Variants in GPR158 observed in about 807,000 individuals in gnomAD.
GPR158 encodes the protein G protein-coupled receptor 158, also known as metabotropic glycine receptor.
GPR158 carries 30 observed loss-of-function variants against 78.2 expected under a neutral mutation model. The observed-to-expected ratio is 0.38, with a 90% CI of 0.29 to 0.52. The LOEUF (loss-of-function observed/expected upper bound fraction) is 0.52. Ranked by LOEUF, GPR158 falls within the 20% of genes least tolerant of loss-of-function variation. The probability of loss-of-function intolerance (pLI) is 0.83; values close to 1 mark genes in which losing one functional copy is unlikely to be tolerated. For missense variants in GPR158, 1,463 were observed against 1,523.5 expected (o/e 0.96, Z 0.66); for synonymous variants, 581 against 591.1 (o/e 0.98, Z 0.25).
At chr10:25,311,272 C>A (rs766024818) in intron 2 of GPR158, among the ~76,000 whole-genome samples, 11 of 151,770 alleles carry the variant, frequency 7.2e-5, no homozygotes, top group Non-Finnish European at 1.5e-4. Context: ...GAAAATGACA[C>A]CTTTATGACA....
At chr10:25,202,417 C>A (rs1852945044) in intron 1 of GPR158, among the ~76,000 whole-genome samples, 1 of 152,116 alleles carries the variant, frequency 6.6e-6, no homozygotes, top group African/African-American at 2.4e-5. Context: ...CGCCACCCCA[C>A]AACAGGCCCT....
intron 1 of GPR158, among the ~76,000 whole-genome samples, chr10:25,201,431 A>G (rs1564389808): frequency 6.6e-6 from 1 of 152,216 alleles, no homozygotes; most frequent in South Asian, 2.1e-4. Context: ...GTATAATATC[A>G]TACCATCTGT....
chr10:25,274,540 A>G (rs10764525), intron 2 of GPR158, among the ~76,000 whole-genome samples: 28,271 of 152,154 alleles, frequency 0.19, 4,041 homozygotes, highest in African/African-American at 0.39. Flanking sequence ...AAATACATAT[A>G]GACTATCATG....
chr10:25,497,715 AAAT>A (rs1835901778), intron 5 of GPR158, among the ~76,000 whole-genome samples: 1 of 152,198 alleles, frequency 6.6e-6, no homozygotes, highest in Non-Finnish European at 1.5e-5. Flanking sequence ...AAGAAGGGAT[AAAT>A]AATCTCTGCC....
rs117570977 is a variant in GPR158, at chr10:25,262,271, C to T, written c.1008+41114C>T. On this transcript the variant is annotated intron_variant, in intron 2 of 10. Coordinates refer to ENST00000376351, the MANE Select transcript of GPR158 (RefSeq NM_020752.3). Reference sequence around the variant, plus strand: ...AGAAAACTCACATTCTTTGGGTATACACTTGGGCAAGTTGGTCTTTAGAAG... The same window carrying T: ...AGAAAACTCACATTCTTTGGGTATATACTTGGGCAAGTTGGTCTTTAGAAG... 6.5e-4 allele frequency among the ~76,000 whole-genome samples: 99 copies of T among 152,226 alleles called. No individual in the cohort carries two copies. In the East Asian group the frequency reaches 0.018, roughly 27 times the overall value.
At chr10:25,291,874 T>A (rs114172870) in intron 2 of GPR158, among the ~76,000 whole-genome samples, 1,800 of 152,220 alleles carry the variant, frequency 0.012, 31 homozygotes, top group African/African-American at 0.041. Flanking sequence ...GAAAGCAATT[T>A]CATTATAAAT....
intron 2 of GPR158, among the ~76,000 whole-genome samples, chr10:25,335,317 GC>G (rs1206072559): frequency 3.9e-5 from 6 of 152,056 alleles, no homozygotes; most frequent in Admixed American, 3.9e-4. Flanking sequence ...CTCACTAATA[GC>G]TTTTTGCATA....
At chr10:25,279,202 A>G (rs1854231468) in intron 2 of GPR158, among the ~76,000 whole-genome samples, 1 of 152,096 alleles carries the variant, frequency 6.6e-6, no homozygotes, top group Non-Finnish European at 1.5e-5. Flanking sequence ...TACTACTACT[A>G]GTTTACATAA....
chr10:25,445,750 AG>A (rs887172570), intron 4 of GPR158, among the ~76,000 whole-genome samples: 28 of 151,898 alleles, frequency 1.8e-4, no homozygotes, highest in African/African-American at 6.8e-4. Flanking sequence ...GAGAGGAGAG[AG>A]GGGGAGAGAG....
intron 2 of GPR158, among the ~76,000 whole-genome samples, chr10:25,332,794 C>G (rs541484004): frequency 2.0e-5 from 3 of 151,968 alleles, no homozygotes; most frequent in Admixed American, 2.0e-4. Context: ...TAAAAAAATT[C>G]GACACTAATC....
intron 2 of GPR158, among the ~76,000 whole-genome samples, chr10:25,263,313 G>A (rs530458460): frequency 9.2e-5 from 14 of 152,138 alleles, no homozygotes; most frequent in African/African-American, 1.9e-4. Flanking sequence ...TATTGCTTTC[G>A]CTTCTTTCTC....
At chr10:25,238,795 A>G (rs1853564268) in intron 2 of GPR158, among the ~76,000 whole-genome samples, 1 of 152,236 alleles carries the variant, frequency 6.6e-6, no homozygotes, top group Admixed American at 6.5e-5. Flanking sequence ...TACCTGCAGA[A>G]CATGATCACA....
chr10:25,374,592 T>C (rs2130555876), intron 2 of GPR158, among the ~76,000 whole-genome samples: 1 of 151,866 alleles, frequency 6.6e-6, no homozygotes, highest in Admixed American at 6.6e-5. Flanking sequence ...CTAACAACCA[T>C]TAATTTCTTC....
intron 5 of GPR158, among the ~76,000 whole-genome samples, chr10:25,498,903 C>T (rs187532659): frequency 1.2e-4 from 19 of 152,228 alleles, no homozygotes; most frequent in African/African-American, 4.3e-4. Flanking sequence ...GAGACTGGAG[C>T]GCAATGACTC....
chr10:25,291,220 A>G (rs570535760), intron 2 of GPR158, among the ~76,000 whole-genome samples: 1 of 152,194 alleles, frequency 6.6e-6, no homozygotes, highest in South Asian at 2.1e-4. Context: ...AGAATTCAGG[A>G]GAAAGAAAGG....
At chr10:25,517,833 C>T (rs902317119) in intron 5 of GPR158, among the ~76,000 whole-genome samples, 1 of 148,988 alleles carries the variant, frequency 6.7e-6, no homozygotes, top group Non-Finnish European at 1.5e-5. Context: ...CTAAAATTCT[C>T]TTTTTTGGTT....
Position 25,599,091 on chromosome 10 carries a change from TA to T in GPR158, c.3467del (p.Asn1156ThrfsTer10). 6.2e-7 allele frequency: 1 copy of T among 1,613,062 alleles called. No individual in the cohort carries two copies. The highest frequency in any genetic ancestry group is 8.5e-7 in the Non-Finnish European group (1 of 1,179,984). ...SSEENVRGSYNSSNNFQQPLT... is the reference protein window; with the variant it reads ...SSEENVRGSYXSSNNFQQPLT... The stretch of plus-strand genomic sequence containing the variant: ...CTGAGGAGAATGTGCGTGGCTCCTA[TA>T]ACTCAAGTAATAACTTCCAGCAACC... On this transcript the variant is annotated frameshift_variant, in exon 11 of 11. Transcript: ENST00000376351. LOFTEE classifies it low-confidence loss of function (END_TRUNC).
At chr10:25,538,641 C>G (rs944458195) in intron 5 of GPR158, among the ~76,000 whole-genome samples, 2 of 152,182 alleles carry the variant, frequency 1.3e-5, no homozygotes, top group African/African-American at 4.8e-5. Flanking sequence ...TCCCAAGCAG[C>G]TGGGACTGCA....
chr10:25,589,026 G>A lies in GPR158; in HGVS notation c.1773G>A (p.Leu591=), dbSNP rs770403221. 7 of 1,578,792 alleles carry A rather than the reference G, an allele frequency of 4.4e-6. No individual in the cohort carries two copies. The highest frequency in any genetic ancestry group is 2.3e-5 in the South Asian group (2 of 85,862). ...MTAVAEFLFL[L]WGVYLCYAVR... ...TCACAGCTGAATTTTTATTCCTCTT[G>A]TGGGGTGTTTATCTCTGCTATGCAG... Residue 591 remains leucine, a synonymous_variant, in exon 8 of 11, where the codon TTG becomes TTA. Transcript: ENST00000376351.
Sources: gnomAD v4.1 joint callset for allele counts (sites outside exome capture counted in the v4.1 genomes callset) on GRCh38, gnomAD v4.1.1 for gene constraint, MANE v1.5 for transcripts, NCBI Gene and HGNC (gene_info 2026-07-23, HGNC 2026-07-21) for gene names.